The following SP2 variants were observed in gnomAD, a reference collection of about 807,000 sequenced individuals.
SP2 encodes Sp2 transcription factor, also known as transcription factor Sp2.
In SP2, 9 loss-of-function variants were observed where a neutral mutation model predicts 50.1. The observed-to-expected ratio is 0.18, with a 90% CI of 0.11 to 0.31. SP2 has a LOEUF of 0.31. SP2 is among the 10% of genes least tolerant of loss of function. The pLI is 1.00. For synonymous variants in SP2, 313 were observed against 326.6 expected, an observed-to-expected ratio of 0.96 and a Z score of 0.45; for missense variants, 581 against 806.5, an observed-to-expected ratio of 0.72 and a Z score of 3.39.
intron 1 of SP2, among the ~76,000 whole-genome samples, chr17:47,912,105 C>CA: frequency 6.6e-6 from 1 of 152,290 alleles, no homozygotes; most frequent in Middle Eastern, 3.4e-3. Context: ...CAAAACCCTA[C>CA]AAAAAAGAAA....
In SP2 at chr17:47,925,510, C is replaced by T. The variant is rs369515854; in HGVS notation, c.1710C>T (p.Asp570=). ...FFCGKRFTRS[D]ELQRHARTHT... is the part of the protein sequence containing the mutation. The stretch of plus-strand genomic sequence containing the variant: ...GTGGGAAGAGGTTCACACGGAGTGA[C>T]GAGCTCCAACGGCATGCTCGCACCC... Residue 570 remains aspartate, a synonymous_variant, in exon 6 of 7, where the codon GAC becomes GAT. Coordinates refer to ENST00000376741, the MANE Select transcript of SP2 (RefSeq NM_003110.6). The T allele has an allele frequency of 1.4e-4, 233 of 1,614,116 alleles. 3 individuals are homozygous for T. Among genetic ancestry groups the T allele is most frequent in the Admixed American group, 8.3e-5 (5 of 60,030 alleles).
chr17:47,906,663 C>T (rs1001222480), intron 1 of SP2, among the ~76,000 whole-genome samples: 2 of 152,206 alleles, frequency 1.3e-5, no homozygotes, highest in East Asian at 3.9e-4. Context: ...GGAAAGACAG[C>T]TGCAGACACT....
At position 47,916,650 on chromosome 17, in the gene SP2, C is replaced by T. The variant is rs764970167; in HGVS notation, c.579C>T (p.Pro193=). ...PIQKSSTTTT[P]VQSGANVVKL... ...AGAAGTCGAGTACGACCACCACCCC[C>T]GTGCAGAGCGGGGCCAATGTGGTGA... The change falls in exon 3 of 7, where the codon CCC becomes CCT. Residue 193 remains proline (P), a synonymous_variant. Coordinates refer to ENST00000376741, the MANE Select transcript of SP2 (RefSeq NM_003110.6). The surrounding 1 kb of genome is among the most constrained non-coding windows in gnomAD (Gnocchi z 4.7). The T allele has an allele frequency of 2.3e-5, 37 of 1,613,890 alleles. No individual in the cohort carries two copies. The highest frequency in any genetic ancestry group is 5.3e-5 in the African/African-American group (4 of 74,914).
intron 1 of SP2, among the ~76,000 whole-genome samples, chr17:47,907,359 A>G (rs1479959763): frequency 6.6e-6 from 1 of 152,104 alleles, no homozygotes. Flanking sequence ...CCAATATGGG[A>G]AAGGAATGTT....
chr17:47,915,354 G>A lies in SP2; in HGVS notation c.50G>A (p.Ser17Asn). 1 of 1,613,536 alleles carries A rather than the reference G, an allele frequency of 6.2e-7. No individual in the cohort carries two copies. Residue 17 changes from serine to asparagine, a missense_variant, in exon 2 of 7, where the codon AGT becomes AAT. Around this residue, in one of 2 missense-constraint regions of SP2, gnomAD observed 397 missense variants for 491.0 expected, o/e 0.81. Coordinates refer to ENST00000376741, the MANE Select transcript of SP2 (RefSeq NM_003110.6). ...GCTGCCACTGCTGCTGTGAGTCCCA[G>A]TGACTACCTGCAGCCTGCCGCCTCC... is the stretch of plus-strand genomic sequence containing the variant. ...SMAATAAVSP[S>N]DYLQPAASTT... is the part of the protein sequence containing the mutation.
At position 47,925,605 on chromosome 17, in the gene SP2, C is replaced by T; in HGVS notation, c.1741+64C>T. On this transcript the variant is annotated intron_variant, in intron 6 of 6. Transcript: ENST00000376741. ...TCAAATTCCTGCCTCTCCTCCCACC[C>T]CCACTCTACCGGCTTTAGCAACATT... is the stretch of plus-strand genomic sequence containing the variant. 5 of 1,327,156 alleles carry T rather than the reference C, an allele frequency of 3.8e-6. No homozygotes were observed. In the South Asian group the frequency reaches 5.1e-5, roughly 13 times the overall value. The allele number at this position is 1,327,156 out of a possible 1,614,324, so 82.2% of individuals were successfully genotyped here.
intron 1 of SP2, among the ~76,000 whole-genome samples, chr17:47,900,959 T>C (rs1245093304): frequency 6.6e-6 from 1 of 152,172 alleles, no homozygotes; most frequent in Non-Finnish European, 1.5e-5. Flanking sequence ...ATGCTGTTTC[T>C]TGGGCCTGCT....
chr17:47,898,452 C>G (rs1185203656), intron 1 of SP2: 1 of 152,174 alleles, frequency 6.6e-6, no homozygotes, highest in East Asian at 1.9e-4. Flanking sequence ...TATAGTATTG[C>G]CCAACCAGGG....
intron 6 of SP2, among the ~76,000 whole-genome samples, chr17:47,926,976 C>T (rs1170674309): frequency 1.3e-5 from 2 of 152,158 alleles, no homozygotes; most frequent in Non-Finnish European, 2.9e-5. Context: ...GAGGAGTCAA[C>T]ACTCCACAGA....
At chr17:47,902,953 G>A (rs562670566) in intron 1 of SP2, among the ~76,000 whole-genome samples, 1 of 152,034 alleles carries the variant, frequency 6.6e-6, no homozygotes, top group South Asian at 2.1e-4. Flanking sequence ...ACGAGGTTTC[G>A]CCATGTTGGC....
downstream of SP2, among the ~76,000 whole-genome samples, chr17:47,931,430 C>T (rs2035815776): frequency 6.6e-6 from 1 of 152,126 alleles, no homozygotes; most frequent in Admixed American, 6.5e-5. Flanking sequence ...TACAGCCTGC[C>T]ACACGACATA....
intron 4 of SP2, among the ~76,000 whole-genome samples, chr17:47,924,645 C>G (rs1424899476): frequency 6.6e-6 from 1 of 152,194 alleles, no homozygotes; most frequent in Non-Finnish European, 1.5e-5. Context: ...GGGTTCAGAT[C>G]TGGGTTCTAC....
intron 1 of SP2, chr17:47,899,217 C>T (rs1007645055): frequency 6.6e-6 from 1 of 152,182 alleles, no homozygotes; most frequent in African/African-American, 2.4e-5. Context: ...GATGCTCTTC[C>T]TCAATTATCA....
At chr17:47,929,613 G>A (rs2035778161), downstream of SP2, 1 of 152,688 alleles carries the variant, frequency 6.5e-6, no homozygotes, top group Non-Finnish European at 1.5e-5. Flanking sequence ...TTTAGCAGAT[G>A]CTACAAATCT....
At chr17:47,898,869 T>C (rs1426899294) in intron 1 of SP2, 1 of 152,266 alleles carries the variant, frequency 6.6e-6, no homozygotes, top group Non-Finnish European at 1.5e-5. Flanking sequence ...GGGAAGCTCA[T>C]ATGCTTTCTT....
intron 5 of SP2, 74 bp from the exon 6 acceptor site, chr17:47,925,274 G>T: frequency 6.8e-7 from 1 of 1,479,726 alleles, no homozygotes; most frequent in South Asian, 1.2e-5. Context: ...ACTGCATCCT[G>T]TTCCTGCCCC....
rs1484864445 is a variant in SP2, at chr17:47,928,177, A to G, written c.*353A>G. On this transcript the variant is annotated 3_prime_UTR_variant, in exon 7 of 7. Transcript: ENST00000376741. ...AAGTGAGCCCCTACCCCCCACCCCG[A>G]TCCCCGCTCCCAACACTGCCGGAGT... is the stretch of plus-strand genomic sequence containing the variant. 1 of 186,254 alleles carries G rather than the reference A, an allele frequency of 5.4e-6. No individual in the cohort carries two copies. The highest frequency in any genetic ancestry group is 2.5e-5 in the African/African-American group (1 of 40,720). 11.5% of individuals were successfully genotyped at this position (186,254 alleles called of 1,614,324 possible).
At chr17:47,926,223 G>A (rs1032036236) in intron 6 of SP2, among the ~76,000 whole-genome samples, 1 of 151,692 alleles carries the variant, frequency 6.6e-6, no homozygotes. Flanking sequence ...GCCTGTTGAT[G>A]CCCATTTTAC....
intron 1 of SP2, among the ~76,000 whole-genome samples, chr17:47,905,074 TA>T (rs1225542058): frequency 6.6e-6 from 1 of 152,198 alleles, no homozygotes; most frequent in Non-Finnish European, 1.5e-5. Flanking sequence ...GCCCACCTTA[TA>T]ATAGTTATTA....
Sources: allele counts gnomAD v4.1 joint callset (sites outside exome capture counted in the v4.1 genomes callset), GRCh38; gene constraint gnomAD v4.1.1; regional missense constraint gnomAD v4.1.1; non-coding constraint Gnocchi (gnomAD v3.1); transcripts MANE v1.5; gene names NCBI Gene and HGNC (gene_info 2026-07-23, HGNC 2026-07-21).